Variants in SHPRH observed in about 807,000 individuals in gnomAD.
SHPRH encodes SNF2 histone linker PHD RING helicase.
SHPRH carries 106 observed loss-of-function variants against 202.5 expected under a neutral mutation model. That is an observed-to-expected ratio of 0.52 (90% CI 0.45 to 0.62). The LOEUF (loss-of-function observed/expected upper bound fraction) is 0.62. Among genes scored for constraint, SHPRH ranks in the 20% least tolerant of loss-of-function variants. The pLI, the probability that SHPRH is intolerant of heterozygous loss-of-function variation, is 0.00. For missense variants in SHPRH, 1,710 were observed against 2,020.0 expected (o/e 0.85, Z 2.94); for synonymous variants, 729 against 686.0 (o/e 1.06, Z -0.98).
At chr6:145,956,789 T>C (rs62434267) in intron 1 of SHPRH, among the ~76,000 whole-genome samples, 121 of 152,260 alleles carry the variant, frequency 7.9e-4, no homozygotes, top group Admixed American at 2.5e-3. Context: ...ACTATGTTCA[T>C]GGACTAGAAG....
intron 2 of SHPRH, chr6:145,876,749 T>C (rs1398271981): frequency 6.6e-6 from 1 of 152,176 alleles, no homozygotes; most frequent in Non-Finnish European, 1.5e-5. Context: ...TATCTCAGGA[T>C]GTAACTGTAT....
chr6:145,922,823 T>C lies in SHPRH; in HGVS notation c.3559A>G (p.Arg1187Gly). The C allele has an allele frequency of 6.2e-7, 1 of 1,609,666 alleles. No individual in the cohort carries two copies. The highest frequency in any genetic ancestry group is 8.5e-7 in the Non-Finnish European group (1 of 1,177,650). ...LSMSEKFRDC[R>G]GLQFLLTTQM... ...GTTGTAAGTAAGAACTGAAGACCTC[T>C]GCAATCACGGAACCTGATTCCCACA... The change falls in exon 19 of 30, where the codon AGA (arginine) becomes GGA (glycine). Residue 1187 changes from arginine (R) to glycine (G), a missense_variant. By Grantham distance (125) the Arg-to-Gly change is moderately radical. Around this residue, in one of 8 missense-constraint regions of SHPRH, gnomAD observed 288 missense variants for 317.8 expected, o/e 0.91. Coordinates refer to ENST00000275233, the MANE Select transcript of SHPRH (RefSeq NM_001042683.3).
Position 145,926,817 on chromosome 6 carries a change from A to G in SHPRH, c.3201+372T>C, listed in dbSNP as rs118000618. On this transcript the variant is annotated intron_variant, in intron 15 of 29. Transcript: ENST00000275233. The stretch of plus-strand genomic sequence containing the variant: ...AAAGACCTCTAAAAATTATCATTAG[A>G]TAGATTTTATTGCTTAGTTCCTTTT... 4.2e-3 allele frequency among the ~76,000 whole-genome samples: 641 copies of G among 152,090 alleles called. 18 individuals are homozygous for G. The East Asian group carries it at 0.071, about 17-fold the overall frequency.
downstream of SHPRH, among the ~76,000 whole-genome samples, chr6:145,861,676 C>T (rs774838567): frequency 6.6e-6 from 1 of 152,032 alleles, no homozygotes; most frequent in Non-Finnish European, 1.5e-5. Flanking sequence ...TCACAGTAGC[C>T]AAGATATGGA....
chr6:145,958,726 G>A (rs1450629858), intron 1 of SHPRH, among the ~76,000 whole-genome samples: 2 of 152,182 alleles, frequency 1.3e-5, no homozygotes, highest in African/African-American at 2.4e-5. Context: ...ATTGTATAAT[G>A]ACATTTTGGT....
At chr6:145,924,884 T>A in intron 16 of SHPRH, 38 bp from the exon 17 acceptor site, 2 of 1,502,858 alleles carry the variant, frequency 1.3e-6, no homozygotes, top group Non-Finnish European at 1.8e-6. Flanking sequence ...TCACTCCCAA[T>A]CTAGAATATA....
intron 25 of SHPRH, among the ~76,000 whole-genome samples, chr6:145,900,165 G>C (rs183673192): frequency 2.0e-4 from 31 of 152,176 alleles, no homozygotes; most frequent in Non-Finnish European, 4.1e-4. Context: ...TATATCCAGG[G>C]GAAATTAAAT....
intron 14 of SHPRH, among the ~76,000 whole-genome samples, chr6:145,931,867 G>A (rs1405316441): frequency 1.7e-4 from 26 of 148,822 alleles, no homozygotes. Context: ...ACATTTACAT[G>A]ATATAAAACC....
chr6:145,906,983 C>T (rs1266649869), intron 25 of SHPRH: 2 of 152,136 alleles, frequency 1.3e-5, no homozygotes, highest in East Asian at 3.9e-4. Context: ...TCCAGCCCTC[C>T]CAACTTGATT....
intron 24 of SHPRH, 137 bp from the exon 25 acceptor site, chr6:145,910,773 C>T: frequency 1.2e-6 from 1 of 821,618 alleles, no homozygotes; most frequent in Non-Finnish European, 1.8e-6. Context: ...CCAAGTTGTG[C>T]CTTCAAATTA....
At chr6:145,862,494 A>T (rs948011003), downstream of SHPRH, 1 of 154,594 alleles carries the variant, frequency 6.5e-6, no homozygotes, top group Non-Finnish European at 1.4e-5. Flanking sequence ...AACAACAAAA[A>T]TGGAGGAGGA....
chr6:145,893,196 T>C lies in SHPRH; in HGVS notation c.4874+19A>G. The stretch of plus-strand genomic sequence containing the variant: ...AGAAAACTGAAGCAAATGTGACTGA[T>C]TCTAATTTTAGTCCTTACTTTGTCT... On this transcript the variant is annotated intron_variant, in intron 28 of 29. Coordinates refer to ENST00000275233, the MANE Select transcript of SHPRH (RefSeq NM_001042683.3). The C allele has an allele frequency of 6.7e-7, 1 of 1,501,006 alleles. No individual in the cohort carries two copies. Among genetic ancestry groups the C allele is most frequent in the Non-Finnish European group, 8.9e-7 (1 of 1,125,836 alleles). The allele number at this position is 1,501,006 out of a possible 1,614,324, so 93.0% of individuals were successfully genotyped here.
rs1784530320 is a variant in SHPRH at position 145,922,750 on chromosome 6, A to C, written c.3632T>G (p.Val1211Gly). The C allele has an allele frequency of 6.2e-7, 1 of 1,612,080 alleles. No individual in the cohort carries two copies. Among genetic ancestry groups the C allele is most frequent in the African/African-American group, 1.3e-5 (1 of 74,746 alleles). Residue 1211 changes from valine (V) to glycine (G), a missense_variant, in exon 19 of 30, where the codon GTA becomes GGA. Physicochemically the swap from Val to Gly is moderately radical, Grantham distance 109 (BLOSUM62 -3). Around this residue, in one of 8 missense-constraint regions of SHPRH, gnomAD observed 288 missense variants for 317.8 expected, o/e 0.91. Coordinates refer to ENST00000275233, the MANE Select transcript of SHPRH (RefSeq NM_001042683.3). Reference sequence around the variant, plus strand: ...AGATGGAGGTCCCTCCAGGTTTTTTACAGCCTCTCTTACTAGCTTCTGGCA... The same window carrying C: ...AGATGGAGGTCCCTCCAGGTTTTTTCCAGCCTCTCTTACTAGCTTCTGGCA... ...NKCQKLVREA[V>G]KNLEGPPSRN...
intron 2 of SHPRH, among the ~76,000 whole-genome samples, chr6:145,869,842 A>G (rs79613628): frequency 0.042 from 5,870 of 140,184 alleles, 390 homozygotes; most frequent in African/African-American, 0.14. Flanking sequence ...TTGCCTCTCC[A>G]TATAAACTTT....
chr6:145,955,337 G>A lies in SHPRH; in HGVS notation c.-15C>T. On this transcript the variant is annotated 5_prime_UTR_variant, in exon 2 of 30. Transcript: ENST00000275233. ...CGGCTGCTCATTTTCAAGTTTTCTT[G>A]GCTGGTAACTGTGAACTCTAGAGGA... 6.3e-7 allele frequency: 1 copy of A among 1,584,782 alleles called. No individual in the cohort carries two copies. The highest frequency in any genetic ancestry group is 8.6e-7 in the Non-Finnish European group (1 of 1,168,836).
intron 11 of SHPRH, among the ~76,000 whole-genome samples, chr6:145,938,415 T>C (rs1786355199): frequency 6.6e-6 from 1 of 152,102 alleles, no homozygotes; most frequent in South Asian, 2.1e-4. Context: ...GTCTGTGGTA[T>C]CCTAACAGCA....
At position 145,950,360 on chromosome 6, in the gene SHPRH, G is replaced by A. The variant is rs542672208; in HGVS notation, c.886C>T (p.Gln296Ter). ...QETQSIQVDV[Q>*]HPALIPVLRP... ...AACACAGGGATCAATGCAGGATGCTGGACATCCACTTGGATGGACTGCGTT... is the reference window on the plus strand; with the variant it reads ...AACACAGGGATCAATGCAGGATGCTAGACATCCACTTGGATGGACTGCGTT... The change falls in exon 4 of 30, where the codon CAG (glutamine) becomes TAG (stop). Residue 296 changes from glutamine to a stop codon, truncating the protein, a stop_gained. Transcript: ENST00000275233. LOFTEE classifies it high-confidence loss of function. 6.2e-7 allele frequency: 1 copy of A among 1,613,236 alleles called. No individual in the cohort carries two copies. Among genetic ancestry groups the A allele is most frequent in the African/African-American group, 1.3e-5 (1 of 74,960 alleles).
At chr6:145,909,082 T>G (rs1752557457) in intron 25 of SHPRH, 1 of 152,138 alleles carries the variant, frequency 6.6e-6, no homozygotes, top group African/African-American at 2.4e-5. Flanking sequence ...CTGAGGTCTC[T>G]GTTCTGCTCC....
At chr6:145,916,595 TA>T (rs1179838922) in intron 23 of SHPRH, among the ~76,000 whole-genome samples, 1 of 152,168 alleles carries the variant, frequency 6.6e-6, no homozygotes, top group African/African-American at 2.4e-5. Context: ...CTTTTTCTTT[TA>T]TTAACAGCCA....
Sources: allele counts gnomAD v4.1 joint callset (sites outside exome capture counted in the v4.1 genomes callset), GRCh38; gene constraint gnomAD v4.1.1; regional missense constraint gnomAD v4.1.1; transcripts MANE v1.5; gene names NCBI Gene and HGNC (gene_info 2026-07-23, HGNC 2026-07-21).